AGBL3: variants seen among roughly 807,000 people sequenced by gnomAD.
The protein encoded by AGBL3 is AGBL carboxypeptidase 3.
AGBL3 carries 68 observed loss-of-function variants against 94.5 expected under a neutral mutation model. The observed-to-expected ratio is 0.72, with a 90% confidence interval of 0.59 to 0.88. The LOEUF (loss-of-function observed/expected upper bound fraction) is 0.88, where lower values mean the gene tolerates loss of function less well. AGBL3 is among the 40% of genes least tolerant of loss of function. The pLI is 0.00. For synonymous variants in AGBL3, 354 were observed against 370.7 expected (o/e 0.95, Z 0.52); for missense variants, 934 against 1,103.8 (o/e 0.85, Z 2.18).
At chr7:135,087,110 T>C (rs1692343932) in intron 15 of AGBL3, among the ~76,000 whole-genome samples, 1 of 152,036 alleles carries the variant, frequency 6.6e-6, no homozygotes, top group African/African-American at 2.4e-5. Flanking sequence ...TCATTTCTGC[T>C]AAGTTTTCTA....
intron 15 of AGBL3, among the ~76,000 whole-genome samples, chr7:135,098,191 A>C (rs1042389438): frequency 3.9e-5 from 6 of 152,178 alleles, no homozygotes; most frequent in Non-Finnish European, 7.4e-5. Context: ...GCCGTTGCTA[A>C]TAAGTAAAGT....
At chr7:135,003,187 C>G (rs1327970117) in intron 4 of AGBL3, among the ~76,000 whole-genome samples, 2 of 152,192 alleles carry the variant, frequency 1.3e-5, no homozygotes, top group South Asian at 4.2e-4. Context: ...AAGTAAACTT[C>G]CAATCCAGTC....
At chr7:135,098,922 T>C (rs1823337347) in intron 15 of AGBL3, among the ~76,000 whole-genome samples, 1 of 152,126 alleles carries the variant, frequency 6.6e-6, no homozygotes. Flanking sequence ...ACTAAAGAGC[T>C]AAAATGTGTA....
chr7:135,031,276 T>G (rs1457374466), intron 5 of AGBL3, among the ~76,000 whole-genome samples: 1 of 152,160 alleles, frequency 6.6e-6, no homozygotes, highest in East Asian at 1.9e-4. Flanking sequence ...TTTATTTATT[T>G]TGAGATGAAG....
chr7:135,057,172 C>T (rs974348002), intron 11 of AGBL3, among the ~76,000 whole-genome samples: 1 of 151,994 alleles, frequency 6.6e-6, no homozygotes, highest in Non-Finnish European at 1.5e-5. Flanking sequence ...GTCTTTTTGA[C>T]AAATGTTACT....
chr7:135,032,906 C>G lies in AGBL3; in HGVS notation c.481C>G (p.Pro161Ala). ...GGGTAACCGAACACCTTTGAAGCAG[C>G]CTGTGGATTACCGTGACAATACTTT... Reference protein sequence around the residue: ...VGGNRTPLKQPVDYRDNTLMF... With the variant: ...VGGNRTPLKQAVDYRDNTLMF... The change falls in exon 6 of 17, where the codon CCT becomes GCT. Residue 161 changes from proline (P) to alanine (A), a missense_variant. Coordinates refer to ENST00000436302, the MANE Select transcript of AGBL3 (RefSeq NM_178563.4). 1 of 1,551,460 alleles carries G rather than the reference C, an allele frequency of 6.4e-7. No homozygotes were observed. Among genetic ancestry groups the G allele is most frequent in the Non-Finnish European group, 8.7e-7 (1 of 1,146,770 alleles).
rs377733773 is a variant in AGBL3 at position 135,009,814 on chromosome 7, C to T, written c.311-7238C>T. On this transcript the variant is annotated intron_variant, in intron 4 of 16. Coordinates refer to ENST00000436302, the MANE Select transcript of AGBL3 (RefSeq NM_178563.4). ...TAAAAATTTATTTTAAAAGCTTTAG[C>T]TGTGCCTTTTTACCAGATTATATGA... 3.4e-4 allele frequency among the ~76,000 whole-genome samples: 51 copies of T among 152,156 alleles called. 1 individual carries two copies. Among genetic ancestry groups the T allele is most frequent in the African/African-American group, 1.0e-3 (43 of 41,420 alleles).
intron 3 of AGBL3, among the ~76,000 whole-genome samples, chr7:134,992,183 T>C (rs1306917669): frequency 6.6e-6 from 1 of 152,260 alleles, no homozygotes; most frequent in East Asian, 1.9e-4. Flanking sequence ...TTAAAGAATG[T>C]TGGACTTTGT....
intron 15 of AGBL3, among the ~76,000 whole-genome samples, chr7:135,108,731 C>T (rs1825152878): frequency 6.6e-6 from 1 of 152,150 alleles, no homozygotes; most frequent in Non-Finnish European, 1.5e-5. Context: ...CTGGATTTGA[C>T]TGATGGCCTC....
intron 4 of AGBL3, among the ~76,000 whole-genome samples, chr7:135,014,442 A>G (rs905849588): frequency 2.0e-5 from 3 of 152,064 alleles, no homozygotes; most frequent in African/African-American, 7.2e-5. Context: ...TGCATATACC[A>G]TATCTCAGTG....
intron 5 of AGBL3, among the ~76,000 whole-genome samples, chr7:135,030,536 G>C (rs751050715): frequency 7.2e-5 from 11 of 152,098 alleles, no homozygotes; most frequent in African/African-American, 1.2e-4. Context: ...TTCGACTATG[G>C]TGTGCCTAGA....
chr7:135,059,436 T>A (rs555297525), intron 12 of AGBL3, among the ~76,000 whole-genome samples: 8 of 152,242 alleles, frequency 5.3e-5, no homozygotes, highest in Admixed American at 2.0e-4. Flanking sequence ...TAGATGAGAA[T>A]AGTTAAGATC....
At chr7:135,101,111 G>A (rs921848048) in intron 15 of AGBL3, 4 of 452,142 alleles carry the variant, frequency 8.8e-6, no homozygotes, top group Admixed American at 2.4e-5. Context: ...TCATAGCAAA[G>A]ACCAACACAA....
chr7:135,129,060 T>C, intron 16 of AGBL3: 1 of 1,608,684 alleles, frequency 6.2e-7, no homozygotes, highest in Non-Finnish European at 8.5e-7. Flanking sequence ...ATGCCTCAAC[T>C]GCCCAGAACC....
intron 8 of AGBL3, among the ~76,000 whole-genome samples, chr7:135,040,424 T>A (rs1186684414): frequency 1.3e-5 from 2 of 152,138 alleles, no homozygotes; most frequent in Admixed American, 6.5e-5. Context: ...TAATAGACCA[T>A]GACCAGATGG....
chr7:135,076,141 T>C (rs1013653423), intron 12 of AGBL3, among the ~76,000 whole-genome samples: 1 of 152,200 alleles, frequency 6.6e-6, no homozygotes, highest in Non-Finnish European at 1.5e-5. Context: ...CGAGAATATA[T>C]GAAGCAAAAA....
At chr7:135,026,423 C>T (rs12707198) in intron 5 of AGBL3, among the ~76,000 whole-genome samples, 140,394 of 150,902 alleles carry the variant, frequency 0.93, 66,110 homozygotes, top group Non-Finnish European at 1. Flanking sequence ...TACAGGCGTG[C>T]GCTACCACAC....
intron 16 of AGBL3, among the ~76,000 whole-genome samples, chr7:135,132,592 T>C (rs1489259738): frequency 6.6e-6 from 1 of 152,116 alleles, no homozygotes; most frequent in Non-Finnish European, 1.5e-5. Context: ...ATTGTAATAA[T>C]CCCCACGTGT....
chr7:135,091,788 T>C (rs1821890268), intron 15 of AGBL3, among the ~76,000 whole-genome samples: 1 of 152,206 alleles, frequency 6.6e-6, no homozygotes, highest in African/African-American at 2.4e-5. Flanking sequence ...TGAAATATAC[T>C]TCTCCCTCTC....
Sources: gnomAD v4.1 joint callset for allele counts (sites outside exome capture counted in the v4.1 genomes callset) on GRCh38, gnomAD v4.1.1 for gene constraint, MANE v1.5 for transcripts, NCBI Gene and HGNC (gene_info 2026-07-23, HGNC 2026-07-21) for gene names.